Variants in MTSS1 observed in about 807,000 individuals in gnomAD.
The protein encoded by MTSS1 is protein MTSS 1.
MTSS1 carries 18 observed loss-of-function variants against 79.0 expected under a neutral mutation model. The ratio of observed to expected loss-of-function variants is 0.23; its 90% CI spans 0.16 to 0.34. The LOEUF (loss-of-function observed/expected upper bound fraction) is 0.34, where lower values mean the gene tolerates loss of function less well. Ranked by LOEUF, MTSS1 falls within the 10% of genes least tolerant of loss-of-function variation. The pLI, the probability that MTSS1 is intolerant of heterozygous loss-of-function variation, is 1.00. For synonymous variants in MTSS1, 341 were observed against 368.6 expected (o/e 0.93, Z 0.86); for missense variants, 815 against 986.2 (o/e 0.83, Z 2.33).
intron 3 of MTSS1, among the ~76,000 whole-genome samples, chr8:124,670,116 G>A (rs35262726): frequency 0.082 from 12,516 of 152,218 alleles, 657 homozygotes; most frequent in East Asian, 0.14. Flanking sequence ...AGAATTCTAA[G>A]TGCCATAAAA....
In MTSS1 at chr8:124,727,905, C is replaced by G. The variant is rs763917448; in HGVS notation, c.51G>C (p.Gln17His). ...KECSALGGLF[Q>H]TIISDMKGSY... ...CTACCTTCATGTCGCTGATGATGGTCTGGAAGAGGCCTCCGAGCGCGCTGC... is the reference window on the plus strand; with the variant it reads ...CTACCTTCATGTCGCTGATGATGGTGTGGAAGAGGCCTCCGAGCGCGCTGC... The change falls in exon 1 of 14, where the codon CAG becomes CAC. Residue 17 changes from glutamine to histidine, a missense_variant. Physicochemically the swap from Gln to His is conservative, Grantham distance 24 (BLOSUM62 0). Around this residue, in one of 2 missense-constraint regions of MTSS1, gnomAD observed 225 missense variants for 365.4 expected, o/e 0.62. Coordinates refer to ENST00000518547, the MANE Select transcript of MTSS1 (RefSeq NM_014751.6). This position sits in a 1 kb window ranked among gnomAD's most constrained non-coding sequence, Gnocchi z 4.7. The G allele has an allele frequency of 6.2e-7, 1 of 1,609,160 alleles. No homozygotes were observed. Among genetic ancestry groups the G allele is most frequent in the Non-Finnish European group, 8.5e-7 (1 of 1,178,340 alleles).
At chr8:124,717,002 T>TA (rs34043239) in intron 1 of MTSS1, among the ~76,000 whole-genome samples, 19,296 of 132,328 alleles carry the variant, frequency 0.15, 1,588 homozygotes, top group African/African-American at 0.26. Context: ...TTATAATTAG[T>TA]AAAAAAAAAA....
chr8:124,566,986 G>A (rs955925299), intron 8 of MTSS1, 85 bp downstream of exon 8: 29 of 1,023,874 alleles, frequency 2.8e-5, no homozygotes, highest in South Asian at 5.6e-5. Flanking sequence ...AATTTAAGAC[G>A]TGACACATGC....
chr8:124,652,813 A>AC (rs1563936620), intron 3 of MTSS1, among the ~76,000 whole-genome samples: 2 of 145,768 alleles, frequency 1.4e-5, no homozygotes, highest in African/African-American at 5.6e-5. Context: ...AAAAAAAAAA[A>AC]CACAGCCATC....
chr8:124,628,546 G>A (rs1256444742), intron 3 of MTSS1, among the ~76,000 whole-genome samples: 1 of 152,182 alleles, frequency 6.6e-6, no homozygotes, highest in East Asian at 1.9e-4. Context: ...GGTGCTCTGG[G>A]AAGGGGCAGA....
intron 3 of MTSS1, among the ~76,000 whole-genome samples, chr8:124,688,346 GT>G (rs766050478): frequency 2.6e-5 from 3 of 115,784 alleles, no homozygotes; most frequent in Non-Finnish European, 5.4e-5. Flanking sequence ...GTGTATGTGT[GT>G]TGTGTGTGTG....
At chr8:124,657,164 A>G (rs1268971223) in intron 3 of MTSS1, among the ~76,000 whole-genome samples, 1 of 152,162 alleles carries the variant, frequency 6.6e-6, no homozygotes, top group Non-Finnish European at 1.5e-5. Context: ...TTTTAGGCCT[A>G]ATCTATTAGC....
chr8:124,586,190 G>A (rs891820162), intron 5 of MTSS1, among the ~76,000 whole-genome samples: 1 of 152,148 alleles, frequency 6.6e-6, no homozygotes, highest in Non-Finnish European at 1.5e-5. Flanking sequence ...GCCAGCTGCT[G>A]TACATTTCAC....
intron 3 of MTSS1, among the ~76,000 whole-genome samples, chr8:124,669,574 T>C (rs1332248931): frequency 6.6e-6 from 1 of 152,256 alleles, no homozygotes; most frequent in East Asian, 1.9e-4. Flanking sequence ...GGGGTTTGTT[T>C]TGTAGGACCA....
chr8:124,714,665 G>C (rs900582567), intron 1 of MTSS1, among the ~76,000 whole-genome samples: 1 of 152,106 alleles, frequency 6.6e-6, no homozygotes, highest in African/African-American at 2.4e-5. Context: ...GTTTCACTAT[G>C]TTGGACAGGC....
At chr8:124,573,716 C>T (rs1828350410) in intron 6 of MTSS1, among the ~76,000 whole-genome samples, 1 of 152,196 alleles carries the variant, frequency 6.6e-6, no homozygotes, top group Non-Finnish European at 1.5e-5. Flanking sequence ...GGGGTGCCTT[C>T]GATGGGCTTC....
chr8:124,629,434 G>A (rs549900832), intron 3 of MTSS1, among the ~76,000 whole-genome samples: 243 of 142,796 alleles, frequency 1.7e-3, no homozygotes, highest in African/African-American at 5.6e-3. Flanking sequence ...GGAAAATGGC[G>A]TTAACCCAGA....
chr8:124,622,107 T>C (rs1813677833), intron 3 of MTSS1, among the ~76,000 whole-genome samples: 1 of 151,760 alleles, frequency 6.6e-6, no homozygotes, highest in African/African-American at 2.4e-5. Flanking sequence ...AATATGAATA[T>C]ATTTTTCAGC....
intron 3 of MTSS1, among the ~76,000 whole-genome samples, chr8:124,660,898 C>A (rs1316394512): frequency 6.6e-6 from 1 of 152,156 alleles, no homozygotes; most frequent in East Asian, 1.9e-4. Flanking sequence ...GGACTTGTGC[C>A]CCAAGGTCCG....
At chr8:124,693,006 G>T (rs1828214171) in intron 3 of MTSS1, among the ~76,000 whole-genome samples, 2 of 152,064 alleles carry the variant, frequency 1.3e-5, no homozygotes, top group South Asian at 4.1e-4. Context: ...GTCCCCCGAG[G>T]CCCTGAGCAA....
intron 3 of MTSS1, among the ~76,000 whole-genome samples, chr8:124,672,594 C>A (rs148601663): frequency 1.3e-5 from 2 of 151,810 alleles, no homozygotes; most frequent in African/African-American, 4.8e-5. Flanking sequence ...TTGCTTGAAC[C>A]CAGGAATTTG....
chr8:124,718,211 A>G lies in MTSS1; in HGVS notation c.72+9673T>C, dbSNP rs181523326. On this transcript the variant is annotated intron_variant, in intron 1 of 13. Coordinates refer to ENST00000518547, the MANE Select transcript of MTSS1 (RefSeq NM_014751.6). The stretch of plus-strand genomic sequence containing the variant: ...TCCATTAACTTTACGTTACTTACAT[A>G]ATCTTTGAGAAGTAATCCCTCATGA... Among the ~76,000 whole-genome samples, 154 of 151,886 alleles carry G rather than the reference A, an allele frequency of 1.0e-3. 8 individuals carry two copies. The South Asian group carries it at 0.03, about 30-fold the overall frequency.
At chr8:124,576,417 G>A (rs1402939094) in intron 6 of MTSS1, among the ~76,000 whole-genome samples, 1 of 152,134 alleles carries the variant, frequency 6.6e-6, no homozygotes, top group Non-Finnish European at 1.5e-5. Flanking sequence ...ACTAACACTA[G>A]GTGTGTCATA....
At chr8:124,567,828 AC>A in intron 7 of MTSS1, 1 of 1,511,042 alleles carries the variant, frequency 6.6e-7, no homozygotes. Context: ...ATGAGCTGGT[AC>A]CTTCGAATCA....
Sources: gnomAD v4.1 joint callset for allele counts (sites outside exome capture counted in the v4.1 genomes callset) on GRCh38, gnomAD v4.1.1 for gene constraint, gnomAD v4.1.1 regional missense constraint, Gnocchi (gnomAD v3.1) non-coding constraint, MANE v1.5 for transcripts, NCBI Gene and HGNC (gene_info 2026-07-23, HGNC 2026-07-21) for gene names.